TMCC1: variants seen among roughly 807,000 people sequenced by gnomAD.
TMCC1 encodes transmembrane and coiled-coil domains protein 1.
A neutral mutation model predicts 52.4 loss-of-function variants in TMCC1; 15 were observed. The observed-to-expected ratio is 0.29, with a 90% confidence interval of 0.19 to 0.44. The LOEUF is 0.44. TMCC1 is among the 20% of genes least tolerant of loss of function. The pLI, the probability that TMCC1 is intolerant of heterozygous loss-of-function variation, is 1.00. For missense variants in TMCC1, 503 were observed against 806.0 expected (o/e 0.62, Z 4.55); for synonymous variants, 279 against 301.9 (o/e 0.92, Z 0.79).
chr3:129,681,590 A>G (rs1403604232), intron 4 of TMCC1, among the ~76,000 whole-genome samples: 2 of 152,022 alleles, frequency 1.3e-5, no homozygotes, highest in Admixed American at 6.6e-5. Context: ...ATCATAAGCC[A>G]CTAGAACACA....
chr3:129,657,516 T>C (rs1386389060), intron 5 of TMCC1, among the ~76,000 whole-genome samples: 2 of 152,034 alleles, frequency 1.3e-5, no homozygotes, highest in African/African-American at 4.8e-5. Context: ...AGTTTTGACT[T>C]TAAAATCCAA....
chr3:129,868,007 A>G (rs59528590), intron 2 of TMCC1, among the ~76,000 whole-genome samples: 1 of 152,342 alleles, frequency 6.6e-6, no homozygotes, highest in African/African-American at 2.4e-5. Flanking sequence ...TTGTACATCA[A>G]GATACTTCCC....
At chr3:129,742,459 A>G (rs1366791601) in intron 4 of TMCC1, among the ~76,000 whole-genome samples, 2 of 152,140 alleles carry the variant, frequency 1.3e-5, no homozygotes, top group East Asian at 3.8e-4. Context: ...ATAAGCACAT[A>G]AAAAGATGCT....
intron 4 of TMCC1, among the ~76,000 whole-genome samples, chr3:129,692,514 A>G (rs1183581741): frequency 6.6e-6 from 1 of 152,212 alleles, no homozygotes; most frequent in African/African-American, 2.4e-5. Flanking sequence ...TCTTTGAGTA[A>G]TGTTAACAAA....
At position 129,834,280 on chromosome 3, in the gene TMCC1, C is replaced by T. The variant is rs1334035924; in HGVS notation, c.-183-1454G>A. On this transcript the variant is annotated intron_variant, in intron 2 of 6. Transcript: ENST00000393238. ...CATACTGTAAAGAGGTCAGATGGAC[C>T]ATACTGGTGGATACACATTTCTGAA... Among the ~76,000 whole-genome samples the T allele has an allele frequency of 2.0e-5, 3 of 152,054 alleles. No individual in the cohort carries two copies. In the East Asian group the frequency reaches 5.8e-4, roughly 29 times the overall value.
At chr3:129,791,025 T>C (rs1475796745) in intron 4 of TMCC1, among the ~76,000 whole-genome samples, 1 of 152,032 alleles carries the variant, frequency 6.6e-6, no homozygotes, top group East Asian at 1.9e-4. Flanking sequence ...TATTGTTTTC[T>C]ATCGTAGATA....
chr3:129,831,617 TTC>T (rs2058918047), intron 3 of TMCC1, among the ~76,000 whole-genome samples: 3 of 152,316 alleles, frequency 2.0e-5, no homozygotes, highest in African/African-American at 7.2e-5. Context: ...TACTAAAATT[TTC>T]TGTAGGCCAA....
intron 4 of TMCC1, among the ~76,000 whole-genome samples, chr3:129,804,595 C>G (rs2057363618): frequency 6.6e-6 from 1 of 152,170 alleles, no homozygotes; most frequent in Admixed American, 6.5e-5. Flanking sequence ...TTAAGTAATA[C>G]TATTTTGGCT....
chr3:129,654,255 C>G (rs965456601), intron 6 of TMCC1, among the ~76,000 whole-genome samples: 1 of 152,200 alleles, frequency 6.6e-6, no homozygotes, highest in Non-Finnish European at 1.5e-5. Flanking sequence ...ACAATGGATG[C>G]TGTCCAGTCC....
intron 2 of TMCC1, among the ~76,000 whole-genome samples, chr3:129,853,459 CA>C (rs1272918661): frequency 1.3e-5 from 2 of 151,416 alleles, no homozygotes; most frequent in East Asian, 3.9e-4. Flanking sequence ...CCTGCCTCCA[CA>C]AAAAAATAAA....
intron 4 of TMCC1, among the ~76,000 whole-genome samples, chr3:129,723,015 C>T (rs1446903586): frequency 6.6e-6 from 1 of 152,052 alleles, no homozygotes; most frequent in Non-Finnish European, 1.5e-5. Context: ...CAGAATCAGG[C>T]AAAACTATAA....
At chr3:129,731,977 C>T (rs528152662) in intron 4 of TMCC1, among the ~76,000 whole-genome samples, 6 of 152,290 alleles carry the variant, frequency 3.9e-5, no homozygotes, top group African/African-American at 1.4e-4. Flanking sequence ...GCAATGCCTA[C>T]ACATCACTTC....
intron 6 of TMCC1, among the ~76,000 whole-genome samples, chr3:129,652,365 C>G (rs1252420512): frequency 3.3e-5 from 5 of 152,122 alleles, no homozygotes. Context: ...AAAGTGGACC[C>G]CAAAGAAACC....
chr3:129,737,530 G>C (rs753916003), intron 4 of TMCC1, among the ~76,000 whole-genome samples: 1 of 151,386 alleles, frequency 6.6e-6, no homozygotes, highest in Non-Finnish European at 1.5e-5. Context: ...CTTTCACCAT[G>C]TGATGATGCA....
chr3:129,688,101 T>G (rs1353494229), intron 4 of TMCC1: 1 of 972,736 alleles, frequency 1.0e-6, no homozygotes, highest in Non-Finnish European at 1.2e-6. Context: ...TTTTAGTTAT[T>G]GCTAAGAAGC....
intron 4 of TMCC1, among the ~76,000 whole-genome samples, chr3:129,674,628 T>C (rs146954767): frequency 7.9e-5 from 12 of 152,164 alleles, no homozygotes; most frequent in South Asian, 4.2e-4. Context: ...GAAAGTTACA[T>C]TGGACTACAG....
chr3:129,859,119 T>G (rs896521085), intron 2 of TMCC1, among the ~76,000 whole-genome samples: 2 of 152,188 alleles, frequency 1.3e-5, no homozygotes, highest in African/African-American at 4.8e-5. Flanking sequence ...ATAATTTCCT[T>G]CATTTTGACA....
intron 4 of TMCC1, among the ~76,000 whole-genome samples, chr3:129,695,431 T>C (rs1333438678): frequency 2.0e-5 from 3 of 152,110 alleles, no homozygotes; most frequent in Admixed American, 6.6e-5. Context: ...CTGGGTAATT[T>C]ATAAAGGAAA....
chr3:129,726,493 C>T (rs950555580), intron 4 of TMCC1, among the ~76,000 whole-genome samples: 1 of 152,094 alleles, frequency 6.6e-6, no homozygotes, highest in Non-Finnish European at 1.5e-5. Context: ...GCTTTACTAT[C>T]TGTAGTTTAT....
Sources: gnomAD v4.1 joint callset for allele counts (sites outside exome capture counted in the v4.1 genomes callset) on GRCh38, gnomAD v4.1.1 for gene constraint, MANE v1.5 for transcripts, NCBI Gene and HGNC (gene_info 2026-07-23, HGNC 2026-07-21) for gene names.